The following SORCS2 variants were observed in gnomAD, a reference collection of about 807,000 sequenced individuals.
SORCS2 encodes sortilin related VPS10 domain containing receptor 2.
SORCS2 carries 100 observed loss-of-function variants against 141.6 expected under a neutral mutation model. That is an observed-to-expected ratio of 0.71 (90% confidence interval 0.60 to 0.83). The LOEUF (loss-of-function observed/expected upper bound fraction) is 0.83, where lower values mean the gene tolerates loss of function less well. SORCS2 is among the 40% of genes least tolerant of loss of function. SORCS2 has a pLI of 0.00. For missense variants in SORCS2, 1,646 were observed against 1,560.2 expected (o/e 1.05, Z -0.93); for synonymous variants, 789 against 676.9 (o/e 1.17, Z -2.57).
chr4:7,266,370 A>G (rs1020468211), intron 1 of SORCS2, among the ~76,000 whole-genome samples: 12 of 152,130 alleles, frequency 7.9e-5, no homozygotes, highest in African/African-American at 1.2e-4. Context: ...CTGTGAAGGG[A>G]GTGGAGGGCT....
At chr4:7,494,967 G>C (rs555107338) in intron 2 of SORCS2, among the ~76,000 whole-genome samples, 2 of 152,358 alleles carry the variant, frequency 1.3e-5, no homozygotes, top group South Asian at 2.1e-4. Context: ...TGGGGGCAGA[G>C]TGGAGCGCTT....
chr4:7,437,981 T>A (rs902111962), intron 2 of SORCS2, among the ~76,000 whole-genome samples: 2 of 152,218 alleles, frequency 1.3e-5, no homozygotes, highest in Non-Finnish European at 2.9e-5. Context: ...TTTACCCCAG[T>A]TACTTTGGTG....
intron 2 of SORCS2, among the ~76,000 whole-genome samples, chr4:7,462,588 G>A (rs538272558): frequency 1.1e-4 from 16 of 152,038 alleles, no homozygotes; most frequent in South Asian, 4.2e-4. Context: ...CCAAGCATGC[G>A]TGGCACTGTC....
intron 3 of SORCS2, among the ~76,000 whole-genome samples, chr4:7,624,200 T>C (rs1460734661): frequency 6.7e-6 from 1 of 149,826 alleles, no homozygotes; most frequent in African/African-American, 2.4e-5. Context: ...CTGCTATCAC[T>C]GCAGACCCTG....
chr4:7,304,524 G>C (rs1717652729), intron 1 of SORCS2, among the ~76,000 whole-genome samples: 1 of 152,246 alleles, frequency 6.6e-6, no homozygotes, highest in Non-Finnish European at 1.5e-5. Context: ...TGTGCATTGA[G>C]CCTGGGCTCC....
chr4:7,678,154 G>T (rs771139302), intron 9 of SORCS2, among the ~76,000 whole-genome samples: 43 of 152,252 alleles, frequency 2.8e-4, no homozygotes, highest in Non-Finnish European at 4.7e-4. Context: ...GAGTGCTGGG[G>T]CCTGGAGACA....
intron 1 of SORCS2, among the ~76,000 whole-genome samples, chr4:7,349,560 A>G (rs963171954): frequency 1.3e-5 from 2 of 152,084 alleles, no homozygotes; most frequent in African/African-American, 4.8e-5. Context: ...AAGAGCAGTC[A>G]AGCAGGGTCA....
At chr4:7,615,126 TCATC>T (rs1405426175) in intron 3 of SORCS2, among the ~76,000 whole-genome samples, 13 of 152,192 alleles carry the variant, frequency 8.5e-5, no homozygotes, top group Non-Finnish European at 1.6e-4. Flanking sequence ...CTCCATCTGT[TCATC>T]CATCTGCCAT....
At chr4:7,734,820 C>G (rs1712033016) in intron 25 of SORCS2, among the ~76,000 whole-genome samples, 2 of 152,204 alleles carry the variant, frequency 1.3e-5, no homozygotes, top group Admixed American at 1.3e-4. Context: ...CCCATCCCTT[C>G]CCTCCCCTCG....
chr4:7,692,323 C>A (rs1724309819), intron 11 of SORCS2, among the ~76,000 whole-genome samples: 1 of 152,212 alleles, frequency 6.6e-6, no homozygotes. Context: ...GCCGTTCATT[C>A]CTGAATTCCA....
intron 1 of SORCS2, among the ~76,000 whole-genome samples, chr4:7,314,491 C>A (rs1348405565): frequency 6.6e-6 from 1 of 152,072 alleles, no homozygotes; most frequent in Non-Finnish European, 1.5e-5. Context: ...AGGCGCCCGC[C>A]ACCACGCCCG....
At chr4:7,330,812 G>A (rs1037792553) in intron 1 of SORCS2, among the ~76,000 whole-genome samples, 1 of 151,946 alleles carries the variant, frequency 6.6e-6, no homozygotes, top group African/African-American at 2.4e-5. Context: ...CGCTTGGCAA[G>A]CTAGGGTGCC....
At chr4:7,712,917 G>T (rs76682359) in intron 15 of SORCS2, 64 bp downstream of exon 15, 12 of 1,586,170 alleles carry the variant, frequency 7.6e-6, no homozygotes, top group Admixed American at 6.8e-5. Flanking sequence ...GGCCCACTCT[G>T]CCTGCCAAAG....
chr4:7,539,950 C>T (rs547709043), intron 3 of SORCS2, among the ~76,000 whole-genome samples: 19 of 151,144 alleles, frequency 1.3e-4, no homozygotes, highest in African/African-American at 3.9e-4. Context: ...GGTCTCACCC[C>T]CTCCCTGCTG....
chr4:7,200,555 T>C (rs1480631746), intron 1 of SORCS2, among the ~76,000 whole-genome samples: 1 of 152,184 alleles, frequency 6.6e-6, no homozygotes, highest in African/African-American at 2.4e-5. Context: ...GCTAATTTAT[T>C]TGTATTTTAT....
intron 5 of SORCS2, among the ~76,000 whole-genome samples, chr4:7,659,484 C>CCCCT (rs989954049): frequency 2.6e-5 from 4 of 152,094 alleles, no homozygotes; most frequent in Admixed American, 1.3e-4. Context: ...CCTCACAGAA[C>CCCCT]CCCTGTGAGC....
chr4:7,403,959 GTGTATATATATATA>G lies in SORCS2; in HGVS notation c.548+7606_548+7619del, dbSNP rs1463758444. On this transcript the variant is annotated intron_variant, in intron 2 of 26. Coordinates refer to ENST00000507866, the MANE Select transcript of SORCS2 (RefSeq NM_020777.3). ...CCTGTCATTTTCTCTGCCTCCATGT[GTGTATATATATATA>G]TATATATATATATATATATATATAT... is the stretch of plus-strand genomic sequence containing the variant. 2.8e-3 allele frequency among the ~76,000 whole-genome samples: 36 copies of G among 13,020 alleles called. 1 individual carries two copies. The highest frequency in any genetic ancestry group is 0.018 in the South Asian group (2 of 114). 8.5% of individuals were successfully genotyped at this position (13,020 alleles called of 152,430 possible).
chr4:7,631,332 C>G (rs908741284), intron 3 of SORCS2, among the ~76,000 whole-genome samples: 8 of 150,706 alleles, frequency 5.3e-5, no homozygotes, highest in Admixed American at 2.0e-4. Flanking sequence ...GGTGTGGACT[C>G]ATTTTGAAGA....
At chr4:7,326,745 G>A (rs2108957411) in intron 1 of SORCS2, among the ~76,000 whole-genome samples, 1 of 152,372 alleles carries the variant, frequency 6.6e-6, no homozygotes, top group East Asian at 1.9e-4. Flanking sequence ...CGGAGAGGCT[G>A]GAGGCGCTGT....
Sources: allele counts gnomAD v4.1 joint callset (sites outside exome capture counted in the v4.1 genomes callset), GRCh38; gene constraint gnomAD v4.1.1; transcripts MANE v1.5; gene names NCBI Gene and HGNC (gene_info 2026-07-23, HGNC 2026-07-21).